The following SLC25A21 variants were observed in gnomAD, a reference collection of about 807,000 sequenced individuals.
SLC25A21 encodes mitochondrial 2-oxodicarboxylate carrier.
Under a neutral mutation model 43.8 loss-of-function variants are expected in SLC25A21, and 47 were observed. That is an observed-to-expected ratio of 1.07 (90% confidence interval 0.85 to 1.37). The LOEUF (loss-of-function observed/expected upper bound fraction) is 1.37, where lower values mean the gene tolerates loss of function less well. Ranked by LOEUF, SLC25A21 falls within the 40% of genes most tolerant of loss-of-function variation. SLC25A21 has a pLI of 0.00. For missense variants in SLC25A21, 352 were observed against 350.2 expected, an observed-to-expected ratio of 1.00 and a Z score of -0.04; for synonymous variants, 131 against 121.3, an observed-to-expected ratio of 1.08 and a Z score of -0.52.
intron 1 of SLC25A21, among the ~76,000 whole-genome samples, chr14:37,024,005 T>C (rs1306642339): frequency 6.6e-6 from 1 of 152,066 alleles, no homozygotes; most frequent in Non-Finnish European, 1.5e-5. Context: ...TACTGACAAA[T>C]TGTAATTCAG....
chr14:36,732,342 A>C (rs1327086913), intron 4 of SLC25A21, among the ~76,000 whole-genome samples: 1 of 152,066 alleles, frequency 6.6e-6, no homozygotes, highest in Admixed American at 6.6e-5. Flanking sequence ...GAGAAACTGC[A>C]CATGGGAAAA....
rs1328490791 is a variant in SLC25A21, at chr14:37,098,782, C to CAGATAGAT, written c.70+73498_70+73499insATCTATCT. Among the ~76,000 whole-genome samples, 121 of 138,076 alleles carry CAGATAGAT rather than the reference C, an allele frequency of 8.8e-4. 1 individual carries two copies. The highest frequency in any genetic ancestry group is 3.5e-3 in the African/African-American group (116 of 33,204). 90.6% of individuals were successfully genotyped at this position (138,076 alleles called of 152,430 possible). A position where few individuals can be genotyped will look rare whatever the true frequency, so the allele number is the denominator to read the frequency against. ...ACAGACAGACAGACAGACAGACAGA[C>CAGATAGAT]AGACAGATAGATAGATAGATAGATT... On this transcript the variant is annotated intron_variant, in intron 1 of 9. Coordinates refer to ENST00000331299, the MANE Select transcript of SLC25A21 (RefSeq NM_030631.4).
intron 1 of SLC25A21, among the ~76,000 whole-genome samples, chr14:37,001,345 T>G (rs1035116018): frequency 6.6e-6 from 1 of 152,152 alleles, no homozygotes; most frequent in African/African-American, 2.4e-5. Flanking sequence ...GAAATAGTAT[T>G]ATCAATTCAC....
intron 3 of SLC25A21, among the ~76,000 whole-genome samples, chr14:36,742,110 A>G (rs1885292581): frequency 1.3e-5 from 2 of 152,124 alleles, no homozygotes; most frequent in South Asian, 4.1e-4. Context: ...AACATGACCA[A>G]CCCAAATCAG....
intron 1 of SLC25A21, among the ~76,000 whole-genome samples, chr14:37,166,713 T>A (rs1435489920): frequency 6.6e-6 from 1 of 152,218 alleles, no homozygotes; most frequent in African/African-American, 2.4e-5. Context: ...GAAACACTTA[T>A]GCAGAAAATC....
At chr14:36,966,631 G>C (rs73256205) in intron 1 of SLC25A21, among the ~76,000 whole-genome samples, 15,749 of 152,186 alleles carry the variant, frequency 0.1, 2,217 homozygotes, top group African/African-American at 0.32. Flanking sequence ...CACTAAGTCT[G>C]CTCCTCTGCG....
chr14:36,711,599 T>C (rs1883875355), intron 6 of SLC25A21, 117 bp from the exon 7 acceptor site: 3 of 1,129,614 alleles, frequency 2.7e-6, no homozygotes, highest in Non-Finnish European at 3.7e-6. Context: ...CCCCCAGATA[T>C]GAATAATCAT....
chr14:36,864,266 G>A (rs76481012), intron 2 of SLC25A21, among the ~76,000 whole-genome samples: 33 of 152,294 alleles, frequency 2.2e-4, no homozygotes, highest in African/African-American at 7.9e-4. Context: ...TTAGGTTGGA[G>A]CAAGTGGCAT....
chr14:36,679,536 A>G lies in SLC25A21; in HGVS notation c.*1122T>C. 1 of 985,436 alleles carries G rather than the reference A, an allele frequency of 1.0e-6. No individual in the cohort carries two copies. The highest frequency in any genetic ancestry group is 1.2e-6 in the Non-Finnish European group (1 of 829,912). The allele number at this position is 985,436 out of a possible 1,614,324, so 61.0% of individuals were successfully genotyped here. A position where few individuals can be genotyped will look rare whatever the true frequency, so the allele number is the denominator to read the frequency against. On this transcript the variant is annotated 3_prime_UTR_variant, in exon 10 of 10. Transcript: ENST00000331299. ...CAGATATAAAATCAAGTTTGGTTAC[A>G]TCAAGACCAAGGAGATATTTTTGTT... is the stretch of plus-strand genomic sequence containing the variant.
intron 1 of SLC25A21, among the ~76,000 whole-genome samples, chr14:36,896,066 C>T (rs1199559580): frequency 6.6e-6 from 1 of 152,120 alleles, no homozygotes; most frequent in East Asian, 1.9e-4. Flanking sequence ...CTGCTTGATG[C>T]AGAGCTGAGT....
chr14:37,123,753 G>A (rs1963250912), intron 1 of SLC25A21, among the ~76,000 whole-genome samples: 1 of 152,118 alleles, frequency 6.6e-6, no homozygotes, highest in Non-Finnish European at 1.5e-5. Flanking sequence ...AGGCATGGTG[G>A]CTCACACCTG....
At chr14:36,884,945 C>T (rs1319977144) in intron 1 of SLC25A21, among the ~76,000 whole-genome samples, 2 of 152,110 alleles carry the variant, frequency 1.3e-5, no homozygotes, top group African/African-American at 4.8e-5. Flanking sequence ...TAATAATGCC[C>T]TTTGCTGTGC....
intron 3 of SLC25A21, among the ~76,000 whole-genome samples, chr14:36,811,606 T>C (rs1021801455): frequency 2.0e-5 from 3 of 152,070 alleles, no homozygotes; most frequent in African/African-American, 4.8e-5. Flanking sequence ...GAGCAGAGAT[T>C]GTGCCATTGC....
At chr14:37,043,259 C>T (rs1212683591) in intron 1 of SLC25A21, among the ~76,000 whole-genome samples, 2 of 152,174 alleles carry the variant, frequency 1.3e-5, no homozygotes, top group Admixed American at 6.5e-5. Context: ...TAATCCATCC[C>T]CCATATCACA....
intron 3 of SLC25A21, among the ~76,000 whole-genome samples, chr14:36,796,879 A>T (rs889600495): frequency 6.6e-6 from 1 of 152,164 alleles, no homozygotes; most frequent in African/African-American, 2.4e-5. Flanking sequence ...TAACTGCCTC[A>T]GGGAGCTGGA....
At chr14:36,872,141 G>A (rs75976882) in intron 2 of SLC25A21, among the ~76,000 whole-genome samples, 3,950 of 152,192 alleles carry the variant, frequency 0.026, 136 homozygotes, top group East Asian at 0.12. Flanking sequence ...AAATGTGAGG[G>A]TGACTATTAT....
chr14:36,680,714 C>A lies in SLC25A21; in HGVS notation c.844G>T (p.Ala282Ser), dbSNP rs766029737. Residue 282 changes from alanine to serine, a missense_variant, in exon 10 of 10, where the codon GCA becomes TCA. Physicochemically the swap from Ala to Ser is moderately conservative, Grantham distance 99. Transcript: ENST00000331299. ...TATTCATAAACCAGCAGCATCACTG[C>A]ACCACCTAGAAAAGAAAAGAGCTGT... ...PKIMRLGPGG[A>S]VMLLVYEYTY... The A allele has an allele frequency of 6.2e-6, 10 of 1,612,524 alleles. 1 individual carries two copies. The highest frequency in any genetic ancestry group is 4.4e-5 in the South Asian group (4 of 90,746).
chr14:37,089,174 A>C (rs939553267), intron 1 of SLC25A21, among the ~76,000 whole-genome samples: 1 of 152,184 alleles, frequency 6.6e-6, no homozygotes, highest in South Asian at 2.1e-4. Context: ...ATTAAAAAAG[A>C]ATGGCCTCCA....
At chr14:36,789,555 T>C (rs1385900566) in intron 3 of SLC25A21, among the ~76,000 whole-genome samples, 1 of 150,820 alleles carries the variant, frequency 6.6e-6, no homozygotes, top group Non-Finnish European at 1.5e-5. Flanking sequence ...TGCCTATCTT[T>C]TAGCACAAAC....
Sources: allele counts gnomAD v4.1 joint callset (sites outside exome capture counted in the v4.1 genomes callset), GRCh38; gene constraint gnomAD v4.1.1; transcripts MANE v1.5; gene names NCBI Gene and HGNC (gene_info 2026-07-23, HGNC 2026-07-21).